The following UBL3 variants were observed in gnomAD, a reference collection of about 807,000 sequenced individuals.
UBL3 encodes ubiquitin-like protein 3.
A neutral mutation model predicts 18.4 loss-of-function variants in UBL3; 6 were observed. The observed-to-expected ratio is 0.33, with a 90% CI of 0.18 to 0.64. UBL3 has a LOEUF of 0.64. Ranked by LOEUF, UBL3 falls within the 30% of genes least tolerant of loss-of-function variation. UBL3 has a pLI of 0.76. For missense variants in UBL3, 109 were observed against 142.9 expected (o/e 0.76, Z 1.21); for synonymous variants, 49 against 46.6 (o/e 1.05, Z -0.21).
chr13:29,849,528 T>C lies in UBL3; in HGVS notation c.11A>G (p.Asn4Ser), dbSNP rs1879314214. The C allele has an allele frequency of 1.2e-6, 2 of 1,613,942 alleles. No homozygotes were observed. The highest frequency in any genetic ancestry group is 1.7e-5 in the Admixed American group (1 of 60,008). Residue 4 changes from asparagine (N) to serine (S), a missense_variant, in exon 1 of 5, where the codon AAT becomes AGT. By Grantham distance (46) the Asn-to-Ser change is conservative. Transcript: ENST00000380680. ...GTCACTTACCATATCCGCCGGGACA[T>C]TACTGGACATCTTGCCGTTTGATAT... MSSNVPADMINLRL... is the reference protein window; with the variant it reads MSSSVPADMINLRL...
At chr13:29,826,348 G>A (rs1878618692) in intron 1 of UBL3, among the ~76,000 whole-genome samples, 1 of 152,140 alleles carries the variant, frequency 6.6e-6, no homozygotes. Flanking sequence ...TGGTTGGTAA[G>A]CTATTAATCA....
rs1488106103 is a variant in UBL3, at chr13:29,766,988, C to T, written c.*267G>A. 3.3e-6 allele frequency: 1 copy of T among 300,128 alleles called. No homozygotes were observed. Among genetic ancestry groups the T allele is most frequent in the African/African-American group, 2.2e-5 (1 of 46,166 alleles). 18.6% of individuals were successfully genotyped at this position (300,128 alleles called of 1,614,324 possible). A position where few individuals can be genotyped will look rare whatever the true frequency, so the allele number is the denominator to read the frequency against. ...TCTGCTACGAAAGATAACTTGTTAA[C>T]TTTTCCCCTGGAGATTGACTGCATT... On this transcript the variant is annotated 3_prime_UTR_variant, in exon 5 of 5. Coordinates refer to ENST00000380680, the MANE Select transcript of UBL3 (RefSeq NM_007106.4).
intron 1 of UBL3, among the ~76,000 whole-genome samples, chr13:29,843,560 T>A (rs932133089): frequency 6.6e-6 from 1 of 152,202 alleles, no homozygotes; most frequent in African/African-American, 2.4e-5. Flanking sequence ...TACTAAATCA[T>A]ATTACTTTTT....
chr13:29,776,268 T>C (rs1248187197), intron 2 of UBL3, among the ~76,000 whole-genome samples: 6 of 144,126 alleles, frequency 4.2e-5, no homozygotes, highest in East Asian at 2.0e-4. Flanking sequence ...TTTCTTTTTT[T>C]TTTTTTTTTT....
intron 1 of UBL3, among the ~76,000 whole-genome samples, chr13:29,793,583 A>C (rs1877535792): frequency 6.6e-6 from 1 of 152,198 alleles, no homozygotes; most frequent in Non-Finnish European, 1.5e-5. Context: ...TCCTCTTTAT[A>C]AATTACTCAA....
intron 1 of UBL3, among the ~76,000 whole-genome samples, chr13:29,818,774 C>T (rs147527622): frequency 1.3e-5 from 2 of 152,246 alleles, no homozygotes; most frequent in Non-Finnish European, 2.9e-5. Context: ...CTGTCTCAGA[C>T]AGAATTTAAA....
At chr13:29,795,417 C>T (rs913023342) in intron 1 of UBL3, among the ~76,000 whole-genome samples, 15 of 151,610 alleles carry the variant, frequency 9.9e-5, no homozygotes, top group South Asian at 4.2e-4. Flanking sequence ...TTAATAACTG[C>T]TAATACATAT....
At chr13:29,794,717 T>C (rs970969431) in intron 1 of UBL3, among the ~76,000 whole-genome samples, 2 of 152,252 alleles carry the variant, frequency 1.3e-5, no homozygotes, top group Non-Finnish European at 2.9e-5. Context: ...GGGTGCCCTT[T>C]CTCCGATGTA....
chr13:29,834,562 T>C (rs1370268686), intron 1 of UBL3, among the ~76,000 whole-genome samples: 1 of 152,152 alleles, frequency 6.6e-6, no homozygotes, highest in African/African-American at 2.4e-5. Flanking sequence ...TCCATTCAAA[T>C]TTCAAATTTA....
At chr13:29,788,696 C>T (rs1247805086) in intron 1 of UBL3, among the ~76,000 whole-genome samples, 1 of 152,108 alleles carries the variant, frequency 6.6e-6, no homozygotes, top group African/African-American at 2.4e-5. Flanking sequence ...TCCTGCATTT[C>T]TCTGACCCAT....
intron 3 of UBL3, among the ~76,000 whole-genome samples, chr13:29,771,749 T>C (rs1476048047): frequency 1.3e-5 from 2 of 152,094 alleles, no homozygotes; most frequent in African/African-American, 4.8e-5. Context: ...CATCCCTTCA[T>C]ATATTTGAAA....
intron 1 of UBL3, among the ~76,000 whole-genome samples, chr13:29,808,593 A>G (rs1368955779): frequency 6.6e-6 from 1 of 152,130 alleles, no homozygotes. Context: ...AGTTTACAAA[A>G]TATTTTCATA....
At chr13:29,793,228 A>G (rs1297642562) in intron 1 of UBL3, among the ~76,000 whole-genome samples, 1 of 152,206 alleles carries the variant, frequency 6.6e-6, no homozygotes, top group African/African-American at 2.4e-5. Flanking sequence ...AAAGTCAACG[A>G]CTAACAGACA....
chr13:29,780,390 A>ATATATGTGTG (rs755886113), intron 1 of UBL3, among the ~76,000 whole-genome samples: 1 of 92,168 alleles, frequency 1.1e-5, no homozygotes, highest in African/African-American at 4.0e-5. Flanking sequence ...ATATATATAT[A>ATATATGTGTG]TGTGTGTGTG....
intron 1 of UBL3, chr13:29,777,493 A>C (rs1162600041): frequency 1.6e-6 from 1 of 632,958 alleles, no homozygotes; most frequent in Admixed American, 1.8e-5. Context: ...TGCCATAATA[A>C]ATGAACAAAG....
chr13:29,833,027 T>C (rs1878821957), intron 1 of UBL3, among the ~76,000 whole-genome samples: 1 of 152,132 alleles, frequency 6.6e-6, no homozygotes, highest in Non-Finnish European at 1.5e-5. Flanking sequence ...AAGCAGGGGT[T>C]CATTACAACT....
intron 1 of UBL3, among the ~76,000 whole-genome samples, chr13:29,799,132 G>A (rs1308641125): frequency 2.0e-5 from 3 of 152,138 alleles, no homozygotes; most frequent in Admixed American, 6.5e-5. Flanking sequence ...GCTGTTTTGT[G>A]CATTGTAGGA....
At chr13:29,832,333 C>CTTTTTTT (rs34577519) in intron 1 of UBL3, among the ~76,000 whole-genome samples, 1 of 140,940 alleles carries the variant, frequency 7.1e-6, no homozygotes, top group Non-Finnish European at 1.5e-5. Flanking sequence ...TACCTAATTT[C>CTTTTTTT]TTTTTTTTTT....
intron 1 of UBL3, among the ~76,000 whole-genome samples, chr13:29,788,534 C>T (rs758161103): frequency 6.6e-6 from 1 of 152,092 alleles, no homozygotes; most frequent in Non-Finnish European, 1.5e-5. Flanking sequence ...CCCAAAACAC[C>T]CTCTCAAGAC....
Sources: allele counts gnomAD v4.1 joint callset (sites outside exome capture counted in the v4.1 genomes callset), GRCh38; gene constraint gnomAD v4.1.1; transcripts MANE v1.5; gene names NCBI Gene and HGNC (gene_info 2026-07-23, HGNC 2026-07-21).